PVT1: variants seen among roughly 807,000 people sequenced by gnomAD.
PVT1 encodes the protein Pvt1 oncogene.
chr8:127,909,010 G>GT (rs976423961), intron 3 of PVT1, among the ~76,000 whole-genome samples: 4 of 152,102 alleles, frequency 2.6e-5, no homozygotes, highest in Non-Finnish European at 5.9e-5. Context: ...GACGCTGCCC[G>GT]TTTTTTCCCC....
chr8:128,033,885 GC>G (rs1275996985), intron 4 of PVT1, among the ~76,000 whole-genome samples: 1 of 152,078 alleles, frequency 6.6e-6, no homozygotes, highest in Non-Finnish European at 1.5e-5. Context: ...TTCTTCACTT[GC>G]CTGCCTGAGG....
In PVT1 at chr8:127,994,518, TAGTC is replaced by T. The variant is rs1307485509; in HGVS notation, n.912+5230_912+5233del. Among the ~76,000 whole-genome samples, 3 of 152,324 alleles carry T rather than the reference TAGTC, an allele frequency of 2.0e-5. No homozygotes were observed. In the East Asian group the frequency reaches 5.8e-4, roughly 29 times the overall value. ...AAGCCTTCAAAATATACAGATGTATTAGTCAGGGCTTTCCAGAGAAACAGGACCA... is the reference window on the plus strand; with the variant it reads ...AAGCCTTCAAAATATACAGATGTATTAGGGCTTTCCAGAGAAACAGGACCA... On this transcript the variant is annotated intron_variant and non_coding_transcript_variant, in intron 4 of 10. Coordinates refer to ENST00000651587, the Ensembl canonical transcript of PVT1.
At chr8:127,879,326 G>A (rs1441287528) in intron 2 of PVT1, among the ~76,000 whole-genome samples, 2 of 152,126 alleles carry the variant, frequency 1.3e-5, no homozygotes, top group Non-Finnish European at 2.9e-5. Context: ...GTCAGGAGTT[G>A]GAGGCCAGCT....
At chr8:127,963,527 C>G (rs1053372986) in intron 3 of PVT1, among the ~76,000 whole-genome samples, 20 of 152,170 alleles carry the variant, frequency 1.3e-4, no homozygotes, top group Non-Finnish European at 2.4e-4. Context: ...GGATTTAGCA[C>G]TCTTAGATAT....
chr8:127,947,103 T>C (rs538168164), intron 3 of PVT1: 1 of 152,958 alleles, frequency 6.5e-6, no homozygotes, highest in South Asian at 2.1e-4. Flanking sequence ...GTTGAAAGCC[T>C]GTCACATGGC....
chr8:128,044,014 TA>T (rs201803585), intron 4 of PVT1, among the ~76,000 whole-genome samples: 19,322 of 53,972 alleles, frequency 0.36, 1,742 homozygotes, highest in Admixed American at 0.45. Context: ...ATTATTTATT[TA>T]TTTTTTTTTT....
chr8:127,815,902 G>C (rs1050029044), intron 2 of PVT1, among the ~76,000 whole-genome samples: 2 of 152,166 alleles, frequency 1.3e-5, no homozygotes, highest in African/African-American at 4.8e-5. Flanking sequence ...AAGGTGGGCA[G>C]ATAATGAGTT....
chr8:128,092,855 C>T (rs1181259569), intron 5 of PVT1, among the ~76,000 whole-genome samples: 2 of 152,142 alleles, frequency 1.3e-5, no homozygotes, highest in Admixed American at 6.5e-5. Context: ...TACTTTTGCA[C>T]CGCCAGGAGA....
At chr8:128,079,293 G>A (rs1455435403) in intron 5 of PVT1, among the ~76,000 whole-genome samples, 1 of 152,150 alleles carries the variant, frequency 6.6e-6, no homozygotes, top group Admixed American at 6.5e-5. Context: ...CTGTGTGTAT[G>A]TAAATTAATA....
intron 1 of PVT1, among the ~76,000 whole-genome samples, chr8:127,795,187 C>T (rs1288829814): frequency 6.6e-6 from 1 of 152,152 alleles, no homozygotes; most frequent in Non-Finnish European, 1.5e-5. Context: ...CTCAGTAACT[C>T]CGTGTTTTGA....
chr8:127,924,183 A>G (rs1432476003), intron 3 of PVT1, among the ~76,000 whole-genome samples: 5 of 152,182 alleles, frequency 3.3e-5, no homozygotes, highest in African/African-American at 1.2e-4. Context: ...TTGCGTTTTC[A>G]TACAGTGGCT....
At position 127,903,347 on chromosome 8, in the gene PVT1, A is replaced by G. The variant is rs1431551908; in HGVS notation, n.782+12349A>G. Among the ~76,000 whole-genome samples, 3 of 152,348 alleles carry G rather than the reference A, an allele frequency of 2.0e-5. No homozygotes were observed. In the South Asian group the frequency reaches 6.2e-4, roughly 32 times the overall value. On this transcript the variant is annotated intron_variant and non_coding_transcript_variant, in intron 3 of 10. Transcript: ENST00000651587. ...TGGATATTGGAACTTTGTCAAATGCATACTTTGTGAATATTTTCTCCCATT... is the reference window on the plus strand; with the variant it reads ...TGGATATTGGAACTTTGTCAAATGCGTACTTTGTGAATATTTTCTCCCATT...
intron 3 of PVT1, among the ~76,000 whole-genome samples, chr8:127,893,639 A>G (rs1815638937): frequency 6.6e-6 from 1 of 152,200 alleles, no homozygotes; most frequent in African/African-American, 2.4e-5. Context: ...TCTGACTCCA[A>G]AGCCACTGCA....
chr8:127,854,828 GC>G (rs1339579290), intron 2 of PVT1: 1 of 221,110 alleles, frequency 4.5e-6, no homozygotes, highest in Non-Finnish European at 8.8e-6. Flanking sequence ...GAGAATCTAC[GC>G]AATACCATGA....
chr8:128,029,681 C>T (rs1813366185), intron 4 of PVT1, among the ~76,000 whole-genome samples: 1 of 152,102 alleles, frequency 6.6e-6, no homozygotes, highest in Admixed American at 6.5e-5. Flanking sequence ...TAACCTTAGT[C>T]CCAGCTACTC....
In PVT1 at chr8:127,821,072, G is replaced by T. The variant is rs986226136; in HGVS notation, n.372+25001G>T. On this transcript the variant is annotated intron_variant and non_coding_transcript_variant, in intron 2 of 10. Transcript: ENST00000651587. ...TTTGAGAGCTAGAGAAAGTATTGTT[G>T]TCTTGTGTAACATGAAAAAAGCTGT... Among the ~76,000 whole-genome samples the T allele has an allele frequency of 2.0e-5, 3 of 152,260 alleles. No individual in the cohort carries two copies. The East Asian group carries it at 5.8e-4, about 29-fold the overall frequency.
At chr8:127,885,697 A>G (rs1411155062) in intron 2 of PVT1, among the ~76,000 whole-genome samples, 4 of 152,036 alleles carry the variant, frequency 2.6e-5, no homozygotes, top group African/African-American at 9.7e-5. Flanking sequence ...ACATCATACA[A>G]CCTCACAGTA....
At chr8:127,998,532 T>A (rs1429213370) in intron 4 of PVT1, among the ~76,000 whole-genome samples, 3 of 79,446 alleles carry the variant, frequency 3.8e-5, no homozygotes, top group Non-Finnish European at 7.6e-5. Context: ...TTTCCTTCTT[T>A]CTTTCTCTCT....
intron 4 of PVT1, among the ~76,000 whole-genome samples, chr8:128,064,288 C>T (rs577349914): frequency 5.3e-5 from 8 of 152,144 alleles, no homozygotes; most frequent in Admixed American, 1.3e-4. Context: ...CAGCAGAGAG[C>T]GATTCATGGT....
Sources: allele counts gnomAD v4.1 joint callset (sites outside exome capture counted in the v4.1 genomes callset), GRCh38; gene constraint gnomAD v4.1.1; transcripts MANE v1.5; gene names NCBI Gene and HGNC (gene_info 2026-07-23, HGNC 2026-07-21).